The following SGMS1 variants were observed in gnomAD, a reference collection of about 807,000 sequenced individuals.
SGMS1 encodes the protein phosphatidylcholine:ceramide cholinephosphotransferase 1.
Under a neutral mutation model 46.2 loss-of-function variants are expected in SGMS1, and 13 were observed. That is an observed-to-expected ratio of 0.28 (90% CI 0.18 to 0.45). The LOEUF is 0.45. SGMS1 is among the 20% of genes least tolerant of loss of function. SGMS1 has a pLI of 1.00. For synonymous variants in SGMS1, 203 were observed against 187.8 expected, an observed-to-expected ratio of 1.08 and a Z score of -0.66; for missense variants, 324 against 519.9, an observed-to-expected ratio of 0.62 and a Z score of 3.66.
chr10:50,561,940 C>T (rs955422668), intron 2 of SGMS1, among the ~76,000 whole-genome samples: 2 of 152,034 alleles, frequency 1.3e-5, no homozygotes, highest in African/African-American at 4.8e-5. Context: ...GGAGGGGTTG[C>T]AATGACATCT....
intron 3 of SGMS1, among the ~76,000 whole-genome samples, chr10:50,509,058 A>G (rs1837731877): frequency 6.6e-6 from 1 of 152,198 alleles, no homozygotes; most frequent in Non-Finnish European, 1.5e-5. Flanking sequence ...GAACAGCATT[A>G]AATTCAAACC....
At chr10:50,565,522 G>A (rs995115267) in intron 2 of SGMS1, among the ~76,000 whole-genome samples, 1 of 152,168 alleles carries the variant, frequency 6.6e-6, no homozygotes, top group Admixed American at 6.5e-5. Flanking sequence ...AAGTGGTTAA[G>A]GGCATGGGTT....
At chr10:50,492,133 A>G (rs1240372583) in intron 3 of SGMS1, among the ~76,000 whole-genome samples, 2 of 152,268 alleles carry the variant, frequency 1.3e-5, no homozygotes, top group African/African-American at 4.8e-5. Flanking sequence ...CATGTTAAAA[A>G]CTGTCAATAA....
chr10:50,537,306 C>G (rs748473049), intron 2 of SGMS1, among the ~76,000 whole-genome samples: 1 of 151,956 alleles, frequency 6.6e-6, no homozygotes, highest in African/African-American at 2.4e-5. Context: ...AATCTCAAAC[C>G]CTCCTACTGC....
At chr10:50,390,490 G>A (rs987157886) in intron 6 of SGMS1, among the ~76,000 whole-genome samples, 1 of 152,146 alleles carries the variant, frequency 6.6e-6, no homozygotes, top group African/African-American at 2.4e-5. Flanking sequence ...TGTCAGCTGG[G>A]CGTGGTAGCA....
intron 1 of SGMS1, among the ~76,000 whole-genome samples, chr10:50,600,716 T>C (rs1392387975): frequency 4.6e-5 from 7 of 152,368 alleles, no homozygotes; most frequent in Non-Finnish European, 1.0e-4. Context: ...TCCATTTCTA[T>C]TCCACTAACC....
intron 2 of SGMS1, among the ~76,000 whole-genome samples, chr10:50,568,658 G>C (rs1288268582): frequency 2.0e-5 from 3 of 152,278 alleles, no homozygotes; most frequent in Non-Finnish European, 2.9e-5. Flanking sequence ...GGGAAACACA[G>C]TGAGACCCCA....
intron 7 of SGMS1, among the ~76,000 whole-genome samples, chr10:50,336,342 G>C (rs1847717340): frequency 6.6e-6 from 1 of 152,176 alleles, no homozygotes; most frequent in Admixed American, 6.5e-5. Context: ...AATAAGGTTG[G>C]GCATGCCTAG....
At chr10:50,583,885 T>G (rs1588884144) in intron 2 of SGMS1, among the ~76,000 whole-genome samples, 2 of 152,202 alleles carry the variant, frequency 1.3e-5, no homozygotes, top group African/African-American at 4.8e-5. Context: ...AAAGCAACAC[T>G]TCTGAGGCTG....
chr10:50,473,091 CATGT>C (rs1256215761), intron 3 of SGMS1, among the ~76,000 whole-genome samples: 1 of 152,162 alleles, frequency 6.6e-6, no homozygotes, highest in Non-Finnish European at 1.5e-5. Context: ...CCACTACCAA[CATGT>C]TTAACTAAAG....
chr10:50,380,986 A>G (rs1848595449), intron 6 of SGMS1, among the ~76,000 whole-genome samples: 1 of 147,522 alleles, frequency 6.8e-6, no homozygotes, highest in African/African-American at 2.5e-5. Context: ...ATGTGCCACC[A>G]CACCTGGCTT....
At chr10:50,444,089 A>T (rs1836977182) in intron 5 of SGMS1, among the ~76,000 whole-genome samples, 1 of 152,182 alleles carries the variant, frequency 6.6e-6, no homozygotes. Context: ...AAAGGATAAG[A>T]CATATAGGAA....
chr10:50,370,742 T>TAA (rs34960612), intron 6 of SGMS1, among the ~76,000 whole-genome samples: 244 of 134,814 alleles, frequency 1.8e-3, no homozygotes, highest in Non-Finnish European at 2.0e-3. Context: ...TCCATCTCAA[T>TAA]AAAAAAAAAA....
intron 3 of SGMS1, among the ~76,000 whole-genome samples, chr10:50,486,106 G>A (rs1020064081): frequency 6.6e-6 from 1 of 152,084 alleles, no homozygotes; most frequent in African/African-American, 2.4e-5. Flanking sequence ...TGGGATAACT[G>A]AGATAGCCAT....
At chr10:50,311,806 T>G (rs1196520635) in intron 8 of SGMS1, among the ~76,000 whole-genome samples, 1 of 152,240 alleles carries the variant, frequency 6.6e-6, no homozygotes, top group Non-Finnish European at 1.5e-5. Flanking sequence ...TTTAAAGATG[T>G]ATTTTTATCA....
At chr10:50,334,234 G>T (rs1847675866) in intron 7 of SGMS1, among the ~76,000 whole-genome samples, 1 of 152,188 alleles carries the variant, frequency 6.6e-6, no homozygotes, top group Admixed American at 6.5e-5. Flanking sequence ...TCCAGAAACT[G>T]CTAAATAAAA....
intron 2 of SGMS1, among the ~76,000 whole-genome samples, chr10:50,528,507 T>C (rs1327750396): frequency 6.6e-6 from 1 of 152,216 alleles, no homozygotes; most frequent in Non-Finnish European, 1.5e-5. Flanking sequence ...GTCAGAAACA[T>C]AGCCATTCCA....
intron 3 of SGMS1, among the ~76,000 whole-genome samples, chr10:50,481,813 A>C (rs1044125751): frequency 1.4e-4 from 22 of 152,206 alleles, no homozygotes; most frequent in African/African-American, 4.6e-4. Flanking sequence ...CAGAATAATC[A>C]GTTTAGAGAG....
At chr10:50,612,692 G>T (rs962612142) in intron 1 of SGMS1, among the ~76,000 whole-genome samples, 2 of 152,180 alleles carry the variant, frequency 1.3e-5, no homozygotes, top group African/African-American at 4.8e-5. Flanking sequence ...CTAACATTTA[G>T]CCACTTTGTT....
Sources: gnomAD v4.1 joint callset for allele counts (sites outside exome capture counted in the v4.1 genomes callset) on GRCh38, gnomAD v4.1.1 for gene constraint, MANE v1.5 for transcripts, NCBI Gene and HGNC (gene_info 2026-07-23, HGNC 2026-07-21) for gene names.